CACNA2D3: variants seen among roughly 807,000 people sequenced by gnomAD.
CACNA2D3 encodes the protein calcium voltage-gated channel auxiliary subunit alpha2delta 3.
A neutral mutation model predicts 160.6 loss-of-function variants in CACNA2D3; 60 were observed. The ratio of observed to expected loss-of-function variants is 0.37; its 90% CI spans 0.30 to 0.46. The LOEUF (loss-of-function observed/expected upper bound fraction) is 0.46, where lower values mean the gene tolerates loss of function less well. Ranked by LOEUF, CACNA2D3 falls within the 20% of genes least tolerant of loss-of-function variation. The pLI is 1.00. For synonymous variants in CACNA2D3, 558 were observed against 492.9 expected (o/e 1.13, Z -1.75); for missense variants, 1,205 against 1,365.0 (o/e 0.88, Z 1.85).
At chr3:54,459,795 T>C (rs1700465350) in intron 4 of CACNA2D3, among the ~76,000 whole-genome samples, 2 of 152,224 alleles carry the variant, frequency 1.3e-5, no homozygotes, top group African/African-American at 2.4e-5. Context: ...CATTTGTCAA[T>C]TTTGGCTTTT....
chr3:54,459,149 AT>A (rs1700453097), intron 4 of CACNA2D3, among the ~76,000 whole-genome samples: 1 of 151,838 alleles, frequency 6.6e-6, no homozygotes. Flanking sequence ...TATGTGCCAC[AT>A]TTTCTTAATC....
chr3:54,704,102 G>T (rs1700815405), intron 11 of CACNA2D3, among the ~76,000 whole-genome samples: 1 of 152,186 alleles, frequency 6.6e-6, no homozygotes, highest in African/African-American at 2.4e-5. Context: ...GGGGAGACTT[G>T]GTACAAAAGG....
At chr3:54,681,918 A>G (rs904965060) in intron 11 of CACNA2D3, among the ~76,000 whole-genome samples, 5 of 152,084 alleles carry the variant, frequency 3.3e-5, no homozygotes, top group African/African-American at 1.2e-4. Flanking sequence ...TTTGGCCTCA[A>G]GTGATCCGCC....
rs569141976 is a variant in CACNA2D3 at position 54,476,420 on chromosome 3, C to T, written c.382-27072C>T. On this transcript the variant is annotated intron_variant, in intron 4 of 37. Transcript: ENST00000474759. Reference sequence around the variant, plus strand: ...GTGATTTACTCCCTTTTGATATACACCCAGAAATGAGATTGCTGGATCATA... The same window carrying T: ...GTGATTTACTCCCTTTTGATATACATCCAGAAATGAGATTGCTGGATCATA... 3.3e-5 allele frequency among the ~76,000 whole-genome samples: 5 copies of T among 151,976 alleles called. No homozygotes were observed. In the East Asian group the frequency reaches 9.7e-4, roughly 29 times the overall value.
At chr3:54,409,570 G>A (rs1031377637) in intron 4 of CACNA2D3, among the ~76,000 whole-genome samples, 88 of 152,210 alleles carry the variant, frequency 5.8e-4, no homozygotes, top group Admixed American at 5.8e-3. Flanking sequence ...AGGAAGGCAT[G>A]TTGAAAGCAG....
intron 2 of CACNA2D3, among the ~76,000 whole-genome samples, chr3:54,279,317 G>C (rs1424521217): frequency 6.6e-6 from 1 of 152,198 alleles, no homozygotes; most frequent in African/African-American, 2.4e-5. Flanking sequence ...CTGCAGGCGG[G>C]TGGGCAGCAG....
chr3:54,157,762 G>C (rs1700270490), intron 2 of CACNA2D3, among the ~76,000 whole-genome samples: 2 of 150,586 alleles, frequency 1.3e-5, no homozygotes, highest in Middle Eastern at 7.1e-3. Flanking sequence ...TTGCACTCCA[G>C]CCTGGGCAAC....
chr3:54,875,651 A>C (rs1465579772), intron 18 of CACNA2D3: 1 of 152,226 alleles, frequency 6.6e-6, no homozygotes, highest in Non-Finnish European at 1.5e-5. Flanking sequence ...TCCACCTGTA[A>C]CGAGGTTGGC....
intron 11 of CACNA2D3, among the ~76,000 whole-genome samples, chr3:54,662,123 C>T (rs775715635): frequency 3.9e-5 from 6 of 151,928 alleles, no homozygotes; most frequent in Non-Finnish European, 5.9e-5. Context: ...ATGCTCAGTT[C>T]GTTAGCACAT....
chr3:54,629,265 A>T (rs2106819621), intron 10 of CACNA2D3, among the ~76,000 whole-genome samples: 1 of 152,038 alleles, frequency 6.6e-6, no homozygotes, highest in Non-Finnish European at 1.5e-5. Context: ...GAGCAAGCAG[A>T]AGCCCAGGCA....
chr3:54,650,730 G>C (rs1258027821), intron 11 of CACNA2D3, among the ~76,000 whole-genome samples: 1 of 152,042 alleles, frequency 6.6e-6, no homozygotes, highest in Non-Finnish European at 1.5e-5. Flanking sequence ...CGAACTCCTG[G>C]CCTCAAGTGT....
At chr3:54,401,361 T>G (rs1699460464) in intron 4 of CACNA2D3, among the ~76,000 whole-genome samples, 1 of 152,152 alleles carries the variant, frequency 6.6e-6, no homozygotes, top group East Asian at 1.9e-4. Flanking sequence ...ACCTCCAGAT[T>G]CTTGGAAGAG....
At chr3:54,439,306 A>AGG (rs34440894) in intron 4 of CACNA2D3, among the ~76,000 whole-genome samples, 2 of 122,464 alleles carry the variant, frequency 1.6e-5, no homozygotes, top group African/African-American at 6.7e-5. Context: ...TACATAAAGG[A>AGG]GGGTGTGTGT....
chr3:54,338,817 G>T (rs1380656446), intron 3 of CACNA2D3, among the ~76,000 whole-genome samples: 1 of 152,134 alleles, frequency 6.6e-6, no homozygotes, highest in Non-Finnish European at 1.5e-5. Context: ...CGTGGGGCTT[G>T]AGGAAGGAAC....
chr3:54,793,938 A>C (rs1186806724), intron 13 of CACNA2D3, among the ~76,000 whole-genome samples: 1 of 152,012 alleles, frequency 6.6e-6, no homozygotes, highest in Non-Finnish European at 1.5e-5. Context: ...TTATTTCTTA[A>C]TATCAATTTT....
chr3:54,913,525 G>A (rs1177164951), intron 27 of CACNA2D3, among the ~76,000 whole-genome samples: 2 of 152,260 alleles, frequency 1.3e-5, no homozygotes, highest in East Asian at 3.9e-4. Flanking sequence ...TTTGGAGACT[G>A]CCTTTTCCAG....
intron 4 of CACNA2D3, among the ~76,000 whole-genome samples, chr3:54,448,717 T>C (rs1218526475): frequency 6.6e-6 from 1 of 152,264 alleles, no homozygotes; most frequent in Non-Finnish European, 1.5e-5. Context: ...TAGACCTCTA[T>C]TGTGTTTGTG....
intron 27 of CACNA2D3, among the ~76,000 whole-genome samples, chr3:54,909,317 T>C (rs1430177364): frequency 6.7e-6 from 1 of 148,674 alleles, no homozygotes; most frequent in Non-Finnish European, 1.5e-5. Context: ...TTTATGGGAT[T>C]TTTTTTTTTT....
rs563812756 is a variant in CACNA2D3, at chr3:54,993,464, AG to A, written c.2690+5712del. 3.6e-3 allele frequency among the ~76,000 whole-genome samples: 553 copies of A among 152,346 alleles called. 3 individuals carry two copies. Among genetic ancestry groups the A allele is most frequent in the Non-Finnish European group, 6.5e-3 (442 of 68,042 alleles). ...GACATGAAGTGCCATTTGTTACATG[AG>A]AAGCACAAATATGACTTTTAGGACA... On this transcript the variant is annotated intron_variant, in intron 31 of 37. Transcript: ENST00000474759.
Sources: gnomAD v4.1 joint callset for allele counts (sites outside exome capture counted in the v4.1 genomes callset) on GRCh38, gnomAD v4.1.1 for gene constraint, MANE v1.5 for transcripts, NCBI Gene and HGNC (gene_info 2026-07-23, HGNC 2026-07-21) for gene names.